Variants in TBX4 observed in about 807,000 individuals in gnomAD.
TBX4 encodes T-box transcription factor TBX4.
Under a neutral mutation model 54.6 loss-of-function variants are expected in TBX4, and 13 were observed. The observed-to-expected ratio is 0.24, with a 90% CI of 0.15 to 0.38. TBX4 has a LOEUF of 0.38. Ranked by LOEUF, TBX4 falls within the 10% of genes least tolerant of loss-of-function variation. The pLI, the probability that TBX4 is intolerant of heterozygous loss-of-function variation, is 1.00. For missense variants in TBX4, 631 were observed against 728.5 expected (o/e 0.87, Z 1.54); for synonymous variants, 314 against 306.7 (o/e 1.02, Z -0.25).
At chr17:61,452,784 C>A (rs547180143) in intron 1 of TBX4, 1 of 480,170 alleles carries the variant, frequency 2.1e-6, no homozygotes, top group Non-Finnish European at 2.7e-6. Flanking sequence ...GGCCCGACAC[C>A]CAGTAGTTGG....
At position 61,465,933 on chromosome 17, in the gene TBX4, C is replaced by T; in HGVS notation, c.396C>T (p.Asn132=). The change falls in exon 4 of 9, where the codon AAC becomes AAT. Residue 132 remains asparagine (N), a synonymous_variant. Transcript: ENST00000644296. This position sits in a 1 kb window ranked among gnomAD's most constrained non-coding sequence, Gnocchi z 4.9. ...ACCATCGCTACAAGTTCTGTGACAA[C>T]AAATGGTAAGTGGACCCTGACCGCA... The part of the protein sequence containing the change: ...ADDHRYKFCD[N]KWMVAGKAEP... 1.9e-6 allele frequency: 3 copies of T among 1,613,996 alleles called. No individual in the cohort carries two copies. Among genetic ancestry groups the T allele is most frequent in the Non-Finnish European group, 2.5e-6 (3 of 1,179,902 alleles).
chr17:61,467,726 A>T, intron 5 of TBX4, 69 bp downstream of exon 5: 2 of 1,597,400 alleles, frequency 1.3e-6, no homozygotes, highest in Non-Finnish European at 1.7e-6. Flanking sequence ...ACAGGCCAGG[A>T]TGGGGATAGG....
chr17:61,470,262 C>A (rs2060567575), intron 5 of TBX4, among the ~76,000 whole-genome samples: 1 of 152,144 alleles, frequency 6.6e-6, no homozygotes, highest in Non-Finnish European at 1.5e-5. Context: ...CTTGCTGGTG[C>A]CTTAAGGCTT....
chr17:61,465,353 C>A lies in TBX4; in HGVS notation c.282-466C>A, dbSNP rs1346070052. Reference sequence around the variant, plus strand: ...GGAGGCAGCTCATTATTTATGGAAGCAGCTGACGGGGGTTTCCGTCCCCCT... The same window carrying A: ...GGAGGCAGCTCATTATTTATGGAAGAAGCTGACGGGGGTTTCCGTCCCCCT... On this transcript the variant is annotated intron_variant, in intron 3 of 8. Coordinates refer to ENST00000644296, the MANE Select transcript of TBX4 (RefSeq NM_001321120.2). The surrounding 1 kb of genome is among the most constrained non-coding windows in gnomAD (Gnocchi z 4.9). 6.6e-6 allele frequency among the ~76,000 whole-genome samples: 1 copy of A among 152,188 alleles called. No homozygotes were observed.
chr17:61,477,837 A>G (rs2060631896), intron 5 of TBX4, among the ~76,000 whole-genome samples: 1 of 150,574 alleles, frequency 6.6e-6, no homozygotes, highest in South Asian at 2.1e-4. Context: ...GCTACTTGGG[A>G]GGCTGAGGTA....
Position 61,484,945 on chromosome 17 carries a change from A to AATATATATATATATATATAT in TBX4, c.*1437_*1456dup, listed in dbSNP as rs56105625. The AATATATATATATATATATAT allele has an allele frequency of 1.4e-5, 2 of 140,618 alleles. No homozygotes were observed. Among genetic ancestry groups the AATATATATATATATATATAT allele is most frequent in the Non-Finnish European group, 1.5e-5 (1 of 65,030 alleles). The allele number at this position is 140,618 out of a possible 1,614,324, so 8.7% of individuals were successfully genotyped here. A position where few individuals can be genotyped will look rare whatever the true frequency, so the allele number is the denominator to read the frequency against. ...ATGGTTTAGATAAAACATATAAATA[A>AATATATATATATATATATAT]ATATATATATATATATATATATATA... On this transcript the variant is annotated 3_prime_UTR_variant, in exon 9 of 9. Transcript: ENST00000644296. This position sits in a 1 kb window ranked among gnomAD's most constrained non-coding sequence, Gnocchi z 4.1.
chr17:61,477,829 T>G (rs1022678824), intron 5 of TBX4, among the ~76,000 whole-genome samples: 1 of 150,974 alleles, frequency 6.6e-6, no homozygotes, highest in Non-Finnish European at 1.5e-5. Context: ...TAATTTCAGC[T>G]ACTTGGGAGG....
chr17:61,454,556 G>T (rs1163601183), intron 1 of TBX4, among the ~76,000 whole-genome samples: 3 of 152,248 alleles, frequency 2.0e-5, no homozygotes, highest in Non-Finnish European at 4.4e-5. Flanking sequence ...GGAAATTGCT[G>T]GGAAGGGGGC....
rs911320071 is a variant in TBX4, at chr17:61,472,607, T to C, written c.549+4950T>C. Reference sequence around the variant, plus strand: ...GCCTGTAGTGATATTCCCACACCGATGCTTTTGATTGAATTGACCAGTCTT... The same window carrying C: ...GCCTGTAGTGATATTCCCACACCGACGCTTTTGATTGAATTGACCAGTCTT... On this transcript the variant is annotated intron_variant, in intron 5 of 8. Transcript: ENST00000644296. The surrounding 1 kb of genome is among the most constrained non-coding windows in gnomAD (Gnocchi z 4.5). Among the ~76,000 whole-genome samples the C allele has an allele frequency of 6.6e-6, 1 of 152,210 alleles. No individual in the cohort carries two copies. The highest frequency in any genetic ancestry group is 1.5e-5 in the Non-Finnish European group (1 of 68,036).
chr17:61,453,451 A>G (rs1302563292), intron 1 of TBX4, among the ~76,000 whole-genome samples: 1 of 152,206 alleles, frequency 6.6e-6, no homozygotes, highest in Non-Finnish European at 1.5e-5. Flanking sequence ...TATTAAAAGA[A>G]ATATTAACTA....
rs1481680439 is a variant in TBX4 at position 61,480,405 on chromosome 17, C to CAA, written c.1021+87_1021+88dup. 9.1e-6 allele frequency: 9 copies of CAA among 993,196 alleles called. No individual in the cohort carries two copies. Among genetic ancestry groups the CAA allele is most frequent in the South Asian group, 2.8e-5 (2 of 70,556 alleles). The allele number at this position is 993,196 out of a possible 1,614,324, so 61.5% of individuals were successfully genotyped here. A position where few individuals can be genotyped will look rare whatever the true frequency, so the allele number is the denominator to read the frequency against. ...AACCACTCTGCAGCGCCCCCCCCCC[C>CAA]AACACACACACACTCATCTCGTGCT... On this transcript the variant is annotated intron_variant, in intron 8 of 8. Coordinates refer to ENST00000644296, the MANE Select transcript of TBX4 (RefSeq NM_001321120.2). The surrounding 1 kb of genome is among the most constrained non-coding windows in gnomAD (Gnocchi z 6.2).
rs970278375 is a variant in TBX4 at position 61,482,831 on chromosome 17, C to CAACA, written c.1022-65_1022-62dup. On this transcript the variant is annotated intron_variant, in intron 8 of 8. Coordinates refer to ENST00000644296, the MANE Select transcript of TBX4 (RefSeq NM_001321120.2). ...GACAAGGACAGGCTGTCCCAGCATC[C>CAACA]AACAGGGTGCTCTGGGGCCTGGGCT... The CAACA allele has an allele frequency of 3.6e-5, 58 of 1,599,456 alleles. 1 individual carries two copies. The Middle Eastern group carries it at 5.8e-4, about 16-fold the overall frequency.
chr17:61,473,578 T>A (rs1277087342), intron 5 of TBX4, among the ~76,000 whole-genome samples: 1 of 152,158 alleles, frequency 6.6e-6, no homozygotes, highest in East Asian at 1.9e-4. Flanking sequence ...TCCCTGACAA[T>A]GTGGCAAGCC....
At chr17:61,455,170 A>G (rs1007921633) in intron 1 of TBX4, among the ~76,000 whole-genome samples, 2 of 151,794 alleles carry the variant, frequency 1.3e-5, no homozygotes, top group African/African-American at 4.8e-5. Flanking sequence ...GCCCCTTTTT[A>G]TCTCCTGGGT....
At chr17:61,452,821 G>A in intron 1 of TBX4, 1 of 740,128 alleles carries the variant, frequency 1.4e-6, no homozygotes, top group Non-Finnish European at 1.7e-6. Context: ...TCTGAGTAAC[G>A]CGATGAATTG....
chr17:61,467,968 C>A (rs873363), intron 5 of TBX4, among the ~76,000 whole-genome samples: 64,658 of 152,190 alleles, frequency 0.42, 14,471 homozygotes, highest in East Asian at 0.56. Flanking sequence ...GAGGGTTTAC[C>A]GGAAGCACTT....
rs755113753 is a variant in TBX4 at position 61,467,609 on chromosome 17, C to T, written c.501C>T (p.Ser167=). The T allele has an allele frequency of 6.2e-7, 1 of 1,614,224 alleles. No homozygotes were observed. Among genetic ancestry groups the T allele is most frequent in the Admixed American group, 1.7e-5 (1 of 60,034 alleles). Residue 167 remains serine (S), a synonymous_variant, in exon 5 of 9, where the codon TCC becomes TCT. Coordinates refer to ENST00000644296, the MANE Select transcript of TBX4 (RefSeq NM_001321120.2). ...TGAHWMRQLV[S]FQKLKLTNNH... ...CCCACTGGATGCGGCAGCTGGTCTC[C>T]TTCCAGAAGCTGAAGCTGACAAACA...
In TBX4 at chr17:61,484,961, T is replaced by A. The variant is rs1382396328; in HGVS notation, c.*1445T>A. 2 of 147,638 alleles carry A rather than the reference T, an allele frequency of 1.4e-5. No homozygotes were observed. Among genetic ancestry groups the A allele is most frequent in the African/African-American group, 4.9e-5 (2 of 40,654 alleles). The allele number at this position is 147,638 out of a possible 1,614,324, so 9.1% of individuals were successfully genotyped here. Reference sequence around the variant, plus strand: ...ATATAAATAAATATATATATATATATATATATATATAAACACACACACACT... The same window carrying A: ...ATATAAATAAATATATATATATATAAATATATATATAAACACACACACACT... On this transcript the variant is annotated 3_prime_UTR_variant, in exon 9 of 9. Coordinates refer to ENST00000644296, the MANE Select transcript of TBX4 (RefSeq NM_001321120.2). The surrounding 1 kb of genome is among the most constrained non-coding windows in gnomAD (Gnocchi z 4.1).
Position 61,483,352 on chromosome 17 carries a change from C to G in TBX4, c.1477C>G (p.Pro493Ala), listed in dbSNP as rs751377938. Residue 493 changes from proline (P) to alanine (A), a missense_variant, in exon 9 of 9, where the codon CCA becomes GCA. Around this residue, in one of 3 missense-constraint regions of TBX4, gnomAD observed 354 missense variants for 368.9 expected, o/e 0.96. Coordinates refer to ENST00000644296, the MANE Select transcript of TBX4 (RefSeq NM_001321120.2). This position sits in a 1 kb window ranked among gnomAD's most constrained non-coding sequence, Gnocchi z 6.6. ...VRERGPSASF[P>A]RERGLPQGCE... ...AGAGCGGGGGCCCAGCGCCTCATTCCCAAGAGAGCGCGGCCTCCCCCAAGG... is the reference window on the plus strand; with the variant it reads ...AGAGCGGGGGCCCAGCGCCTCATTCGCAAGAGAGCGCGGCCTCCCCCAAGG... 6.2e-7 allele frequency: 1 copy of G among 1,608,834 alleles called. No individual in the cohort carries two copies. Among genetic ancestry groups the G allele is most frequent in the South Asian group, 1.1e-5 (1 of 90,680 alleles).
Sources: gnomAD v4.1 joint callset for allele counts (sites outside exome capture counted in the v4.1 genomes callset) on GRCh38, gnomAD v4.1.1 for gene constraint, gnomAD v4.1.1 regional missense constraint, Gnocchi (gnomAD v3.1) non-coding constraint, MANE v1.5 for transcripts, NCBI Gene and HGNC (gene_info 2026-07-23, HGNC 2026-07-21) for gene names.